The following MACROD2 variants were observed in gnomAD, a reference collection of about 807,000 sequenced individuals.
The protein encoded by MACROD2 is ADP-ribose glycohydrolase MACROD2.
A neutral mutation model predicts 70.4 loss-of-function variants in MACROD2; 36 were observed. The observed-to-expected ratio is 0.51, with a 90% CI of 0.39 to 0.68. The LOEUF (loss-of-function observed/expected upper bound fraction) is 0.68, where lower values mean the gene tolerates loss of function less well. Among genes scored for constraint, MACROD2 ranks in the 30% least tolerant of loss-of-function variants. MACROD2 has a pLI of 0.00. For missense variants in MACROD2, 496 were observed against 538.4 expected (o/e 0.92, Z 0.78); for synonymous variants, 172 against 178.8 (o/e 0.96, Z 0.30).
chr20:14,070,499 G>T (rs1224041998), intron 2 of MACROD2, among the ~76,000 whole-genome samples: 1 of 152,082 alleles, frequency 6.6e-6, no homozygotes, highest in Non-Finnish European at 1.5e-5. Context: ...TTATTTTTCT[G>T]ATCATCTTGA....
chr20:14,468,440 T>G (rs1276442046), intron 3 of MACROD2, among the ~76,000 whole-genome samples: 1 of 107,994 alleles, frequency 9.3e-6, no homozygotes, highest in African/African-American at 2.7e-5. Context: ...AACCCCTGCT[T>G]TTTTTTTTTT....
At chr20:14,706,542 C>T (rs1343366331) in intron 5 of MACROD2, among the ~76,000 whole-genome samples, 1 of 151,944 alleles carries the variant, frequency 6.6e-6, no homozygotes, top group South Asian at 2.1e-4. Context: ...CTTTTTTCCC[C>T]TCCAACAGTG....
At chr20:15,814,763 G>C (rs1219505775) in intron 8 of MACROD2, among the ~76,000 whole-genome samples, 1 of 152,142 alleles carries the variant, frequency 6.6e-6, no homozygotes, top group African/African-American at 2.4e-5. Flanking sequence ...CATTCTCCCT[G>C]CTTTCTTCAA....
At chr20:15,296,395 TTC>T (rs1333383189) in intron 6 of MACROD2, among the ~76,000 whole-genome samples, 3 of 152,216 alleles carry the variant, frequency 2.0e-5, no homozygotes, top group Admixed American at 6.5e-5. Flanking sequence ...CACTTATTAA[TTC>T]TGTTTGATGA....
At chr20:14,772,581 C>G (rs767262062) in intron 5 of MACROD2, among the ~76,000 whole-genome samples, 7 of 152,022 alleles carry the variant, frequency 4.6e-5, no homozygotes, top group Non-Finnish European at 7.4e-5. Context: ...GACCTGCCCC[C>G]GTGATTCAGT....
chr20:14,602,656 T>C (rs1292141612), intron 4 of MACROD2, among the ~76,000 whole-genome samples: 1 of 152,224 alleles, frequency 6.6e-6, no homozygotes, highest in Non-Finnish European at 1.5e-5. Flanking sequence ...CCTAAAACTT[T>C]ATGTATCTGA....
intron 6 of MACROD2, among the ~76,000 whole-genome samples, chr20:15,344,264 A>G (rs2078140193): frequency 6.6e-6 from 1 of 152,084 alleles, no homozygotes. Flanking sequence ...TTACTAGTTC[A>G]TGCTCTTTTC....
rs571321844 is a variant in MACROD2, at chr20:14,086,991, A to C, written c.271+1263A>C. Among the ~76,000 whole-genome samples, 31 of 152,342 alleles carry C rather than the reference A, an allele frequency of 2.0e-4. No homozygotes were observed. In the South Asian group the frequency reaches 5.6e-3, roughly 28 times the overall value. ...TAGTAGGAAAGTGCATTGGCAGGTG[A>C]ACAGAAGGGTCTAATGGAGAACTGA... is the stretch of plus-strand genomic sequence containing the variant. On this transcript the variant is annotated intron_variant, in intron 3 of 17. Transcript: ENST00000684519.
rs1441119311 is a variant in MACROD2 at position 14,836,158 on chromosome 20, TC to T, written c.418+151200del. Among the ~76,000 whole-genome samples the T allele has an allele frequency of 3.3e-5, 5 of 152,064 alleles. No homozygotes were observed. The East Asian group carries it at 7.7e-4, about 24-fold the overall frequency. ...CACACAAAAAGTGAGGGGTCCGTAC[TC>T]AAAAAAAATTTTGGAAAAGAGTGGG... On this transcript the variant is annotated intron_variant, in intron 5 of 17. Coordinates refer to ENST00000684519, the MANE Select transcript of MACROD2 (RefSeq NM_001351661.2).
intron 2 of MACROD2, among the ~76,000 whole-genome samples, chr20:14,016,615 A>G (rs567424977): frequency 6.6e-6 from 1 of 152,192 alleles, no homozygotes; most frequent in African/African-American, 2.4e-5. Flanking sequence ...GTTGATACCC[A>G]GTTTTCCAGT....
intron 8 of MACROD2, among the ~76,000 whole-genome samples, chr20:15,777,510 T>TTTCCTTCC (rs746262814): frequency 1.9e-4 from 16 of 83,248 alleles, no homozygotes; most frequent in Admixed American, 1.8e-3. Context: ...TCCTTCCTTC[T>TTTCCTTCC]TTCCTTCCTT....
chr20:15,840,375 C>T (rs1025141553), intron 8 of MACROD2, among the ~76,000 whole-genome samples: 1 of 152,176 alleles, frequency 6.6e-6, no homozygotes, highest in Admixed American at 6.6e-5. Context: ...CCGGGGACAA[C>T]ATGTGTGGTT....
intron 5 of MACROD2, among the ~76,000 whole-genome samples, chr20:14,713,174 A>G (rs969807108): frequency 6.6e-6 from 1 of 152,098 alleles, no homozygotes; most frequent in African/African-American, 2.4e-5. Flanking sequence ...AGTAGAGGTA[A>G]TTGGAAGACT....
chr20:15,704,237 TC>T (rs1257992650), intron 8 of MACROD2, among the ~76,000 whole-genome samples: 1 of 152,230 alleles, frequency 6.6e-6, no homozygotes, highest in African/African-American at 2.4e-5. Flanking sequence ...CTTCTCTGAA[TC>T]CTTTAGCCTG....
chr20:15,881,714 C>G (rs2064757173), intron 9 of MACROD2, among the ~76,000 whole-genome samples: 1 of 152,064 alleles, frequency 6.6e-6, no homozygotes, highest in South Asian at 2.1e-4. Context: ...TTTACAAAGG[C>G]AGCTTCAGTC....
At chr20:15,762,861 AT>A (rs894800952) in intron 8 of MACROD2, among the ~76,000 whole-genome samples, 2 of 152,202 alleles carry the variant, frequency 1.3e-5, no homozygotes, top group African/African-American at 2.4e-5. Context: ...TATAAGGTCT[AT>A]TTGAAAGAAT....
chr20:15,030,031 A>G (rs2075262306), intron 5 of MACROD2, among the ~76,000 whole-genome samples: 1 of 148,572 alleles, frequency 6.7e-6, no homozygotes, highest in South Asian at 2.1e-4. Flanking sequence ...CGGAGGTTGC[A>G]GTGAGCACCA....
At chr20:15,838,655 C>T (rs909935850) in intron 8 of MACROD2, among the ~76,000 whole-genome samples, 7 of 152,080 alleles carry the variant, frequency 4.6e-5, no homozygotes, top group Admixed American at 6.6e-5. Context: ...AGATAAAATC[C>T]GGTAGAGCAC....
At chr20:15,047,268 C>A (rs1443783463) in intron 5 of MACROD2, among the ~76,000 whole-genome samples, 1 of 152,170 alleles carries the variant, frequency 6.6e-6, no homozygotes, top group African/African-American at 2.4e-5. Flanking sequence ...GGTGTGCTAT[C>A]TACAGGCTGC....
Sources: gnomAD v4.1 joint callset for allele counts (sites outside exome capture counted in the v4.1 genomes callset) on GRCh38, gnomAD v4.1.1 for gene constraint, MANE v1.5 for transcripts, NCBI Gene and HGNC (gene_info 2026-07-23, HGNC 2026-07-21) for gene names.